Variants in MATK observed in about 807,000 individuals in gnomAD.
The protein encoded by MATK is megakaryocyte-associated tyrosine-protein kinase.
A neutral mutation model predicts 59.8 loss-of-function variants in MATK; 41 were observed. The ratio of observed to expected loss-of-function variants is 0.69; its 90% confidence interval spans 0.53 to 0.89. The LOEUF is 0.89. MATK is among the 40% of genes least tolerant of loss of function. MATK has a pLI of 0.00. For synonymous variants in MATK, 308 were observed against 306.1 expected, an observed-to-expected ratio of 1.01 and a Z score of -0.06; for missense variants, 593 against 719.6, an observed-to-expected ratio of 0.82 and a Z score of 2.01.
At chr19:3,783,770 C>T (rs1422902709) in intron 6 of MATK, 44 bp downstream of exon 6, 3 of 1,569,550 alleles carry the variant, frequency 1.9e-6, no homozygotes, top group African/African-American at 2.7e-5. Flanking sequence ...AGTCCCTGGG[C>T]TGCCCCACTG....
At position 3,785,268 on chromosome 19, in the gene MATK, G is replaced by T; in HGVS notation, c.-133C>A. The T allele has an allele frequency of 1.3e-6, 2 of 1,526,974 alleles. No individual in the cohort carries two copies. The highest frequency in any genetic ancestry group is 1.8e-6 in the Non-Finnish European group (2 of 1,140,276). The allele number at this position is 1,526,974 out of a possible 1,614,324, so 94.6% of individuals were successfully genotyped here. A position where few individuals can be genotyped will look rare whatever the true frequency, so the allele number is the denominator to read the frequency against. ...AGGGAGCTGGGTGCCACTGGACCGA[G>T]CCTGGTTCTTCCTGTTTTCTGGTTG... On this transcript the variant is annotated 5_prime_UTR_variant, in exon 2 of 14. Coordinates refer to ENST00000310132, the MANE Select transcript of MATK (RefSeq NM_139355.3).
chr19:3,800,568 C>T (rs928172117), intron 1 of MATK, among the ~76,000 whole-genome samples: 14 of 152,022 alleles, frequency 9.2e-5, no homozygotes, highest in African/African-American at 3.4e-4. Flanking sequence ...ATCGCCTGAA[C>T]CCAGGAGGCG....
At chr19:3,781,504 A>T in intron 8 of MATK, 103 bp downstream of exon 8, 2 of 1,198,432 alleles carry the variant, frequency 1.7e-6, no homozygotes, top group Admixed American at 1.7e-5. Flanking sequence ...CTGCACAACT[A>T]GTAGGTGGTT....
intron 6 of MATK, 57 bp downstream of exon 6, chr19:3,783,757 C>T (rs938876411): frequency 4.5e-5 from 69 of 1,536,040 alleles, no homozygotes; most frequent in Admixed American, 1.4e-4. Context: ...GGGGAGTCTC[C>T]GGAGTCCCTG....
At position 3,778,301 on chromosome 19, in the gene MATK, G is replaced by T. The variant is rs1599192092; in HGVS notation, c.1406C>A (p.Pro469Gln). ...SCWEAEPARR[P>Q]PFRKLAEKLA... ...CTTCTCGGCCAGTTTGCGGAAGGGT[G>T]GCCGGCGGGCGGGCTCTGCCTCCCA... Residue 469 changes from proline (P) to glutamine (Q), a missense_variant, in exon 14 of 14, where the codon CCA (proline) becomes CAA (glutamine). Coordinates refer to ENST00000310132, the MANE Select transcript of MATK (RefSeq NM_139355.3). 6.3e-7 allele frequency: 1 copy of T among 1,575,490 alleles called. No individual in the cohort carries two copies.
rs2145104789 is a variant in MATK, at chr19:3,786,357, C to T, written c.-340G>A. The T allele has an allele frequency of 8.1e-6, 8 of 983,454 alleles. No homozygotes were observed. The South Asian group carries it at 1.4e-4, about 17-fold the overall frequency. The allele number at this position is 983,454 out of a possible 1,614,324, so 60.9% of individuals were successfully genotyped here. On this transcript the variant is annotated 5_prime_UTR_variant, in exon 1 of 14. Transcript: ENST00000310132. This position sits in a 1 kb window ranked among gnomAD's most constrained non-coding sequence, Gnocchi z 4.1. ...GAGGCGCCGCGGCCTGGGAGGCCCC[C>T]GCGGGTCCTAGCGCCGGCCGCACTG...
At chr19:3,788,979 C>T (rs140989198), upstream of MATK, among the ~76,000 whole-genome samples, 38 of 152,286 alleles carry the variant, frequency 2.5e-4, no homozygotes, top group East Asian at 5.8e-3. Flanking sequence ...GCGTGAGCCA[C>T]GGCGCATGGT....
chr19:3,789,629 G>A (rs186150287), upstream of MATK, among the ~76,000 whole-genome samples: 83 of 152,244 alleles, frequency 5.5e-4, no homozygotes, highest in Non-Finnish European at 9.9e-4. Flanking sequence ...TGACTCTAGG[G>A]GGATAGATTT....
chr19:3,784,930 G>A (rs778945296), intron 2 of MATK, 46 bp from the exon 3 acceptor site: 4 of 1,429,978 alleles, frequency 2.8e-6, no homozygotes, highest in East Asian at 4.8e-5. Context: ...TGGGACCCAC[G>A]GTCCAGTTCC....
Position 3,786,207 on chromosome 19 carries a change from C to T in MATK, c.-190G>A. On this transcript the variant is annotated 5_prime_UTR_variant, in exon 1 of 14. Coordinates refer to ENST00000310132, the MANE Select transcript of MATK (RefSeq NM_139355.3). This position sits in a 1 kb window ranked among gnomAD's most constrained non-coding sequence, Gnocchi z 4.1. ...GCCCCCGAGCCGCGCCCCGCGCCCGCCCCCAGGAGGGCCTCCGCGAGCCGG... is the reference window on the plus strand; with the variant it reads ...GCCCCCGAGCCGCGCCCCGCGCCCGTCCCCAGGAGGGCCTCCGCGAGCCGG... 9.1e-6 allele frequency: 9 copies of T among 984,202 alleles called. No homozygotes were observed. Among genetic ancestry groups the T allele is most frequent in the Non-Finnish European group, 1.1e-5 (9 of 828,946 alleles). 61.0% of individuals were successfully genotyped at this position (984,202 alleles called of 1,614,324 possible). A position where few individuals can be genotyped will look rare whatever the true frequency, so the allele number is the denominator to read the frequency against.
At chr19:3,790,761 T>C (rs990905994), upstream of MATK, among the ~76,000 whole-genome samples, 3 of 152,214 alleles carry the variant, frequency 2.0e-5, no homozygotes, top group Admixed American at 2.0e-4. Context: ...ACAACTCATG[T>C]GGCACCATTT....
chr19:3,784,039 G>A lies in MATK; in HGVS notation c.363-6C>T, dbSNP rs376241010. ...AGATCTTCCCGTGGAACCACCTGCG[G>A]CCACGGAAGGGGTGGGTCAGACTGG... On this transcript the variant is annotated splice_polypyrimidine_tract_variant and splice_region_variant and intron_variant, in intron 5 of 13. Transcript: ENST00000310132. The A allele has an allele frequency of 1.1e-5, 17 of 1,601,330 alleles. No homozygotes were observed. The African/African-American group carries it at 1.9e-4, about 18-fold the overall frequency.
intron 1 of MATK, among the ~76,000 whole-genome samples, chr19:3,794,324 T>TA (rs2037572287): frequency 6.6e-6 from 1 of 151,996 alleles, no homozygotes; most frequent in East Asian, 1.9e-4. Context: ...GCCTGGCACA[T>TA]AAAAGGCCCT....
chr19:3,793,757 T>C (rs1033136958), intron 1 of MATK, among the ~76,000 whole-genome samples: 1 of 151,858 alleles, frequency 6.6e-6, no homozygotes, highest in Non-Finnish European at 1.5e-5. Context: ...TAATCCCAGC[T>C]ACTCGGGAAG....
chr19:3,785,167 G>A lies in MATK; in HGVS notation c.-32C>T, dbSNP rs1208156097. ...CAGAGGGAAACTGAGGCAGGTGAGA[G>A]GCACACTGAGCAAGTGGTCACAGTC... On this transcript the variant is annotated 5_prime_UTR_variant, in exon 2 of 14. Coordinates refer to ENST00000310132, the MANE Select transcript of MATK (RefSeq NM_139355.3). 9 of 1,613,640 alleles carry A rather than the reference G, an allele frequency of 5.6e-6. No individual in the cohort carries two copies. The highest frequency in any genetic ancestry group is 1.7e-5 in the Admixed American group (1 of 59,982).
intron 1 of MATK, among the ~76,000 whole-genome samples, chr19:3,800,956 T>C (rs967942502): frequency 3.3e-5 from 5 of 151,940 alleles, no homozygotes; most frequent in African/African-American, 1.2e-4. Context: ...GGTCTCCAGG[T>C]TCAAGCGATT....
Position 3,778,614 on chromosome 19 carries a change from G to A in MATK, c.1198-19C>T, listed in dbSNP as rs1423507590. 1.9e-6 allele frequency: 3 copies of A among 1,594,610 alleles called. No homozygotes were observed. The highest frequency in any genetic ancestry group is 4.6e-5 in the East Asian group (2 of 43,454). On this transcript the variant is annotated intron_variant, in intron 12 of 13. Transcript: ENST00000310132. ...TGAACTTCTGTGGGGCCCGAGACGG[G>A]GGTGAGGAGGGACCCCTCAGGTTTT...
At chr19:3,781,824 G>A (rs2037405805) in intron 7 of MATK, 152 bp from the exon 8 acceptor site, 2 of 665,086 alleles carry the variant, frequency 3.0e-6, no homozygotes, top group Non-Finnish European at 5.5e-6. Flanking sequence ...ATGCCCCTAG[G>A]ACATATCAGA....
chr19:3,796,656 G>A (rs2037597659), intron 1 of MATK, among the ~76,000 whole-genome samples: 1 of 151,984 alleles, frequency 6.6e-6, no homozygotes, highest in African/African-American at 2.4e-5. Flanking sequence ...TTCTCCTACT[G>A]CCCAGCTGTG....
Sources: allele counts gnomAD v4.1 joint callset (sites outside exome capture counted in the v4.1 genomes callset), GRCh38; gene constraint gnomAD v4.1.1; non-coding constraint Gnocchi (gnomAD v3.1); transcripts MANE v1.5; gene names NCBI Gene and HGNC (gene_info 2026-07-23, HGNC 2026-07-21).